IPMK: variants seen among roughly 807,000 people sequenced by gnomAD.
IPMK encodes the protein inositol 1,3,4,6-tetrakisphosphate 5-kinase.
Under a neutral mutation model 45.8 loss-of-function variants are expected in IPMK, and 17 were observed. That is an observed-to-expected ratio of 0.37 (90% confidence interval 0.25 to 0.56). The LOEUF (loss-of-function observed/expected upper bound fraction) is 0.56, where lower values mean the gene tolerates loss of function less well. IPMK is among the 20% of genes least tolerant of loss of function. The pLI is 0.79. For missense variants in IPMK, 399 were observed against 498.0 expected, an observed-to-expected ratio of 0.80 and a Z score of 1.89; for synonymous variants, 180 against 184.3, an observed-to-expected ratio of 0.98 and a Z score of 0.19.
chr10:58,237,840 T>C (rs772322750), intron 1 of IPMK, 26 bp from the exon 2 acceptor site: 6 of 1,498,932 alleles, frequency 4.0e-6, no homozygotes, highest in Non-Finnish European at 5.6e-6. Flanking sequence ...CAGAAATTGT[T>C]TAATGCTTTA....
intron 1 of IPMK, among the ~76,000 whole-genome samples, chr10:58,251,558 T>TCTATTGCCAAATC (rs760595959): frequency 4.6e-5 from 7 of 152,202 alleles, no homozygotes; most frequent in Non-Finnish European, 8.8e-5. Context: ...GGATCATGTG[T>TCTATTGCCAAATC]CTATTGCCAA....
chr10:58,201,634 C>A (rs994168758), intron 4 of IPMK, among the ~76,000 whole-genome samples: 2 of 152,030 alleles, frequency 1.3e-5, no homozygotes, highest in African/African-American at 4.8e-5. Flanking sequence ...AATTAATAAC[C>A]CTCCAATGGC....
At chr10:58,264,110 T>C (rs1254581188) in intron 1 of IPMK, among the ~76,000 whole-genome samples, 4 of 152,214 alleles carry the variant, frequency 2.6e-5, no homozygotes, top group Non-Finnish European at 5.9e-5. Context: ...AAATTTCCCA[T>C]AGTTGATCAA....
At chr10:58,204,216 C>T (rs946135238) in intron 4 of IPMK, among the ~76,000 whole-genome samples, 1 of 151,986 alleles carries the variant, frequency 6.6e-6, no homozygotes. Flanking sequence ...AAAAAATAAG[C>T]TAGGTGTGGT....
chr10:58,210,112 T>G (rs370434804), intron 4 of IPMK, among the ~76,000 whole-genome samples: 10 of 151,058 alleles, frequency 6.6e-5, no homozygotes, highest in African/African-American at 2.2e-4. Context: ...GCAGCCACTG[T>G]GGGGGATGGG....
chr10:58,242,733 T>C (rs1838715206), intron 1 of IPMK, among the ~76,000 whole-genome samples: 1 of 152,136 alleles, frequency 6.6e-6, no homozygotes. Context: ...TATAGAATAA[T>C]ATCAAACAGT....
At chr10:58,265,133 A>G (rs1839131130) in intron 1 of IPMK, among the ~76,000 whole-genome samples, 1 of 152,232 alleles carries the variant, frequency 6.6e-6, no homozygotes, top group Admixed American at 6.5e-5. Flanking sequence ...CGGATGTCTG[A>G]ACTACTAATA....
intron 1 of IPMK, among the ~76,000 whole-genome samples, chr10:58,266,642 G>C (rs1839151943): frequency 6.6e-6 from 1 of 152,292 alleles, no homozygotes; most frequent in East Asian, 1.9e-4. Context: ...ATGGCCCAGG[G>C]AACCACTACG....
At chr10:58,244,663 G>C (rs992329196) in intron 1 of IPMK, among the ~76,000 whole-genome samples, 2 of 152,128 alleles carry the variant, frequency 1.3e-5, no homozygotes, top group African/African-American at 4.8e-5. Flanking sequence ...GTAGAAAGAA[G>C]TAGACATAGG....
Position 58,202,360 on chromosome 10 carries a change from T to G in IPMK, c.547-3039A>C. Among the ~76,000 whole-genome samples, 2 of 152,172 alleles carry G rather than the reference T, an allele frequency of 1.3e-5. 1 individual carries two copies. The highest frequency in any genetic ancestry group is 1.3e-4 in the Admixed American group (2 of 15,284). ...TAAGTTGAAGCCAATACTCACTCAT[T>G]TGTCCTAGAGCCCTTAAGAATTATG... On this transcript the variant is annotated intron_variant, in intron 4 of 5. Transcript: ENST00000373935.
At chr10:58,234,259 A>C (rs1051995846) in intron 2 of IPMK, among the ~76,000 whole-genome samples, 3 of 152,226 alleles carry the variant, frequency 2.0e-5, no homozygotes, top group African/African-American at 7.2e-5. Context: ...TTACAGATTC[A>C]ATGTCATCCT....
At chr10:58,224,988 A>G (rs148052936) in intron 3 of IPMK, among the ~76,000 whole-genome samples, 1 of 152,204 alleles carries the variant, frequency 6.6e-6, no homozygotes, top group Non-Finnish European at 1.5e-5. Context: ...AACAATCTGC[A>G]TGGTCCAACA....
At chr10:58,225,034 G>C (rs1838392012) in intron 3 of IPMK, among the ~76,000 whole-genome samples, 1 of 152,144 alleles carries the variant, frequency 6.6e-6, no homozygotes, top group Admixed American at 6.6e-5. Flanking sequence ...AACAAAGTAG[G>C]AAAGAAGTAG....
chr10:58,241,740 T>C (rs1185317268), intron 1 of IPMK, among the ~76,000 whole-genome samples: 1 of 152,072 alleles, frequency 6.6e-6, no homozygotes, highest in African/African-American at 2.4e-5. Context: ...CCTTTTCTTA[T>C]AATGATACAT....
At chr10:58,211,197 T>G (rs2590304) in intron 4 of IPMK, among the ~76,000 whole-genome samples, 1,537 of 150,550 alleles carry the variant, frequency 0.01, 30 homozygotes, top group African/African-American at 0.034. Context: ...CCGGTTTTTT[T>G]TTTTTTTTTT....
At chr10:58,210,641 T>G (rs950380306) in intron 4 of IPMK, among the ~76,000 whole-genome samples, 10 of 152,198 alleles carry the variant, frequency 6.6e-5, no homozygotes, top group Non-Finnish European at 8.8e-5. Context: ...AGGCTGTTCC[T>G]GCTGTTGCTT....
chr10:58,260,947 C>T (rs1839055562), intron 1 of IPMK, among the ~76,000 whole-genome samples: 1 of 151,500 alleles, frequency 6.6e-6, no homozygotes, highest in Non-Finnish European at 1.5e-5. Flanking sequence ...ATGCAAAGGA[C>T]CAGAAAAAGC....
rs890555365 is a variant in IPMK at position 58,192,490 on chromosome 10, C to T, written c.*3586G>A. On this transcript the variant is annotated 3_prime_UTR_variant, in exon 6 of 6. Transcript: ENST00000373935. Reference sequence around the variant, plus strand: ...GTTACAATACTGTAAAATATTACTTCTAACTTCAACTATTGTTAGATGCTT... The same window carrying T: ...GTTACAATACTGTAAAATATTACTTTTAACTTCAACTATTGTTAGATGCTT... 4 of 152,012 alleles carry T rather than the reference C, an allele frequency of 2.6e-5. No individual in the cohort carries two copies. The highest frequency in any genetic ancestry group is 5.9e-5 in the Non-Finnish European group (4 of 67,916). 9.4% of individuals were successfully genotyped at this position (152,012 alleles called of 1,614,324 possible).
chr10:58,262,481 T>C (rs1466301852), intron 1 of IPMK, among the ~76,000 whole-genome samples: 1 of 152,218 alleles, frequency 6.6e-6, no homozygotes, highest in Admixed American at 6.5e-5. Context: ...AAAATATTTA[T>C]ACATACTTTA....
Sources: allele counts gnomAD v4.1 joint callset (sites outside exome capture counted in the v4.1 genomes callset), GRCh38; gene constraint gnomAD v4.1.1; transcripts MANE v1.5; gene names NCBI Gene and HGNC (gene_info 2026-07-23, HGNC 2026-07-21).